AGO1: variants seen among roughly 807,000 people sequenced by gnomAD.
AGO1 encodes the protein argonaute RISC component 1.
Under a neutral mutation model 109.2 loss-of-function variants are expected in AGO1, and 11 were observed. The observed-to-expected ratio is 0.10, with a 90% confidence interval of 0.06 to 0.17. The LOEUF (loss-of-function observed/expected upper bound fraction) is 0.17. Among genes scored for constraint, AGO1 ranks in the 10% least tolerant of loss-of-function variants. The probability of loss-of-function intolerance (pLI) is 1.00; values close to 1 mark genes in which losing one functional copy is unlikely to be tolerated. For synonymous variants in AGO1, 422 were observed against 418.6 expected (o/e 1.01, Z -0.10); for missense variants, 574 against 1,140.3 (o/e 0.50, Z 7.15).
rs1041550618 is a variant in AGO1 at position 35,913,757 on chromosome 1, T to C, written c.1583-85T>C. 1.3e-5 allele frequency: 19 copies of C among 1,415,206 alleles called. No individual in the cohort carries two copies. In the African/African-American group the frequency reaches 2.1e-4, roughly 16 times the overall value. The allele number at this position is 1,415,206 out of a possible 1,614,324, so 87.7% of individuals were successfully genotyped here. Reference sequence around the variant, plus strand: ...TGTTTCCTGTCATTATTGTGTTCCCTAGCACCTCATACACTGCCTGGCATC... The same window carrying C: ...TGTTTCCTGTCATTATTGTGTTCCCCAGCACCTCATACACTGCCTGGCATC... On this transcript the variant is annotated intron_variant, in intron 12 of 18. Transcript: ENST00000373204.
Position 35,926,403 on chromosome 1 carries a change from G to T in AGO1, c.*6796G>T, listed in dbSNP as rs2148730512. On this transcript the variant is annotated 3_prime_UTR_variant, in exon 19 of 19. Transcript: ENST00000373204. ...CTGTCAATTGGCAAAATATGCTGGA[G>T]CACATTCTGGACTAGCAGTTGCCTT... 1 of 152,260 alleles carries T rather than the reference G, an allele frequency of 6.6e-6. No individual in the cohort carries two copies. Among genetic ancestry groups the T allele is most frequent in the South Asian group, 2.1e-4 (1 of 4,828 alleles). 9.4% of individuals were successfully genotyped at this position (152,260 alleles called of 1,614,324 possible).
In AGO1 at chr1:35,901,396, T is replaced by A. The variant is rs1645413653; in HGVS notation, c.1021-78T>A. On this transcript the variant is annotated intron_variant, in intron 8 of 18. Transcript: ENST00000373204. This position sits in a 1 kb window ranked among gnomAD's most constrained non-coding sequence, Gnocchi z 4.8. ...TTCCCCATGGCTGACAGCCAAGGTA[T>A]CTTTCCTTATTGTGGGGCTCTGGGT... 1.3e-6 allele frequency: 2 copies of A among 1,586,790 alleles called. No individual in the cohort carries two copies.
chr1:35,883,028 C>G (rs1645053284), upstream of AGO1, among the ~76,000 whole-genome samples: 1 of 152,208 alleles, frequency 6.6e-6, no homozygotes. This position sits in a 1 kb window ranked among gnomAD's most constrained non-coding sequence, Gnocchi z 5.4. Flanking sequence ...TACCACTGCG[C>G]GGTTCCAAGG....
chr1:35,920,831 T>G lies in AGO1; in HGVS notation c.*1224T>G, dbSNP rs1419147558. 6.6e-6 allele frequency: 1 copy of G among 152,606 alleles called. No homozygotes were observed. The highest frequency in any genetic ancestry group is 2.4e-5 in the African/African-American group (1 of 41,446). 9.5% of individuals were successfully genotyped at this position (152,606 alleles called of 1,614,324 possible). Reference sequence around the variant, plus strand: ...TCTTATAACAAAAAACTCTTAGGTCTAAAATGAGAAAAAAGAGAGAAAACA... The same window carrying G: ...TCTTATAACAAAAAACTCTTAGGTCGAAAATGAGAAAAAAGAGAGAAAACA... On this transcript the variant is annotated 3_prime_UTR_variant, in exon 19 of 19. Transcript: ENST00000373204.
upstream of AGO1, among the ~76,000 whole-genome samples, chr1:35,878,452 C>T (rs1645009603): frequency 6.6e-6 from 1 of 152,120 alleles, no homozygotes; most frequent in South Asian, 2.1e-4. Context: ...TATGATACTC[C>T]TGTTGGACAG....
intron 1 of AGO1, among the ~76,000 whole-genome samples, chr1:35,871,779 AT>A (rs943939979): frequency 7.9e-5 from 12 of 151,678 alleles, no homozygotes; most frequent in Non-Finnish European, 1.8e-4. Context: ...TAAAAAAAAA[AT>A]AATTGTTGCC....
intron 1 of AGO1, among the ~76,000 whole-genome samples, chr1:35,886,341 A>AGG (rs1645120011): frequency 6.6e-6 from 1 of 152,134 alleles, no homozygotes; most frequent in African/African-American, 2.4e-5. Flanking sequence ...TTAGGCTTTC[A>AGG]GGGGGATGTA....
intron 1 of AGO1, among the ~76,000 whole-genome samples, chr1:35,874,290 C>T (rs754298103): frequency 3.9e-5 from 6 of 152,172 alleles, no homozygotes; most frequent in Non-Finnish European, 5.9e-5. Flanking sequence ...ACCTCAGCTT[C>T]CTGAGTAGCT....
rs1465261319 is a variant in AGO1, at chr1:35,927,363, A to G, written c.*7756A>G. 6.6e-6 allele frequency: 1 copy of G among 152,200 alleles called. No individual in the cohort carries two copies. The highest frequency in any genetic ancestry group is 1.5e-5 in the Non-Finnish European group (1 of 68,040). The allele number at this position is 152,200 out of a possible 1,614,324, so 9.4% of individuals were successfully genotyped here. On this transcript the variant is annotated 3_prime_UTR_variant, in exon 19 of 19. Coordinates refer to ENST00000373204, the MANE Select transcript of AGO1 (RefSeq NM_012199.5). ...GTTAATTCAGTGGCTCAGTGATAACACCAAAGACTCAGTTTCTTGAAATTT... is the reference window on the plus strand; with the variant it reads ...GTTAATTCAGTGGCTCAGTGATAACGCCAAAGACTCAGTTTCTTGAAATTT...
At chr1:35,898,923 A>C (rs1645368028) in intron 8 of AGO1, among the ~76,000 whole-genome samples, 1 of 152,222 alleles carries the variant, frequency 6.6e-6, no homozygotes, top group South Asian at 2.1e-4. Context: ...TTACCATTTT[A>C]ACCATTTTTA....
Position 35,888,325 on chromosome 1 carries a change from C to T in AGO1, c.26-102C>T. The T allele has an allele frequency of 8.0e-7, 1 of 1,248,234 alleles. No homozygotes were observed. The highest frequency in any genetic ancestry group is 1.4e-5 in the South Asian group (1 of 70,974). The allele number at this position is 1,248,234 out of a possible 1,614,324, so 77.3% of individuals were successfully genotyped here. Reference sequence around the variant, plus strand: ...TTGGGTAGCAGGAAAGAGGCATTCTCTATACTCTCGTGTTCCTGTTCTGGG... The same window carrying T: ...TTGGGTAGCAGGAAAGAGGCATTCTTTATACTCTCGTGTTCCTGTTCTGGG... On this transcript the variant is annotated intron_variant, in intron 1 of 18. Transcript: ENST00000373204. The surrounding 1 kb of genome is among the most constrained non-coding windows in gnomAD (Gnocchi z 4.1).
rs1645259160 is a variant in AGO1, at chr1:35,893,447, C to T, written c.512+169C>T. 1.2e-6 allele frequency: 1 copy of T among 848,462 alleles called. No homozygotes were observed. 52.6% of individuals were successfully genotyped at this position (848,462 alleles called of 1,614,324 possible). ...ATTTATATTTAGATGGTTTAAAGCC[C>T]TGGCCCTGAACTTCTTAGATATCTT... is the stretch of plus-strand genomic sequence containing the variant. On this transcript the variant is annotated intron_variant, in intron 4 of 18. Coordinates refer to ENST00000373204, the MANE Select transcript of AGO1 (RefSeq NM_012199.5). This position sits in a 1 kb window ranked among gnomAD's most constrained non-coding sequence, Gnocchi z 5.6.
chr1:35,881,865 A>G (rs1271960270), upstream of AGO1, among the ~76,000 whole-genome samples: 3 of 152,236 alleles, frequency 2.0e-5, no homozygotes, highest in Non-Finnish European at 4.4e-5. Context: ...TCACTGCACC[A>G]GACCGAATAG....
At chr1:35,900,085 G>A (rs1341140225) in intron 8 of AGO1, among the ~76,000 whole-genome samples, 1 of 152,086 alleles carries the variant, frequency 6.6e-6, no homozygotes, top group Non-Finnish European at 1.5e-5. Context: ...TTTCTGTTGG[G>A]CCCAGAACAG....
At chr1:35,912,464 C>T (rs989484295) in intron 12 of AGO1, among the ~76,000 whole-genome samples, 1 of 151,858 alleles carries the variant, frequency 6.6e-6, no homozygotes, top group Non-Finnish European at 1.5e-5. Context: ...GAGCATCGAA[C>T]CATGAGGCCC....
intron 12 of AGO1, among the ~76,000 whole-genome samples, chr1:35,913,400 C>T (rs868741182): frequency 2.6e-5 from 4 of 152,232 alleles, no homozygotes; most frequent in Admixed American, 6.5e-5. Context: ...TTACAACATG[C>T]TCCCCTTGCT....
At chr1:35,905,971 A>T (rs922589081) in intron 11 of AGO1, among the ~76,000 whole-genome samples, 1 of 152,218 alleles carries the variant, frequency 6.6e-6, no homozygotes, top group African/African-American at 2.4e-5. Flanking sequence ...TAATAATAAC[A>T]TCTCCTAAAC....
rs924727025 is a variant in AGO1, at chr1:35,908,853, C to T, written c.1582+1734C>T. Among the ~76,000 whole-genome samples, 3 of 135,210 alleles carry T rather than the reference C, an allele frequency of 2.2e-5. No individual in the cohort carries two copies. In the Admixed American group the frequency reaches 2.5e-4, roughly 11 times the overall value. The allele number at this position is 135,210 out of a possible 152,430, so 88.7% of individuals were successfully genotyped here. A position where few individuals can be genotyped will look rare whatever the true frequency, so the allele number is the denominator to read the frequency against. ...TTTTTTTTTGAGACGGAGTCTTGCT[C>T]TGTTGCCCAGGCTGGAGTGCAGTGG... On this transcript the variant is annotated intron_variant, in intron 12 of 18. Transcript: ENST00000373204.
Position 35,906,937 on chromosome 1 carries a change from A to G in AGO1, c.1400A>G (p.Asn467Ser). 6.2e-7 allele frequency: 1 copy of G among 1,610,564 alleles called. No individual in the cohort carries two copies. Among genetic ancestry groups the G allele is most frequent in the Admixed American group, 1.7e-5 (1 of 59,800 alleles). The change falls in exon 12 of 19, where the codon AAC (asparagine) becomes AGC (serine). Residue 467 changes from asparagine to serine, a missense_variant and splice_region_variant. Asn to Ser is a conservative substitution (Grantham distance 46). Transcript: ENST00000373204. Reference sequence around the variant, plus strand: ...TTTGTGACCATGCGTGTGTACAGGAACTTCACAGACCAGCTGCGGAAGATT... The same window carrying G: ...TTTGTGACCATGCGTGTGTACAGGAGCTTCACAGACCAGCTGCGGAAGATT... The part of the protein sequence containing the change: ...QKQCREEVLK[N>S]FTDQLRKISK...
Sources: gnomAD v4.1 joint callset for allele counts (sites outside exome capture counted in the v4.1 genomes callset) on GRCh38, gnomAD v4.1.1 for gene constraint, Gnocchi (gnomAD v3.1) non-coding constraint, MANE v1.5 for transcripts, NCBI Gene and HGNC (gene_info 2026-07-23, HGNC 2026-07-21) for gene names.